PCDHA3: variants seen among roughly 807,000 people sequenced by gnomAD.
PCDHA3 encodes protocadherin alpha 3, also known as protocadherin alpha-3.
PCDHA3 carries 41 observed loss-of-function variants against 62.2 expected under a neutral mutation model. The ratio of observed to expected loss-of-function variants is 0.66; its 90% CI spans 0.51 to 0.86. The LOEUF is 0.86. Among genes scored for constraint, PCDHA3 ranks in the 40% least tolerant of loss-of-function variants. The pLI is 0.00. For synonymous variants in PCDHA3, 640 were observed against 555.4 expected (o/e 1.15, Z -2.14); for missense variants, 1,304 against 1,241.2 (o/e 1.05, Z -0.76).
At chr5:140,881,235 T>C (rs2058632833) in intron 1 of PCDHA3, 1 of 352,648 alleles carries the variant, frequency 2.8e-6, no homozygotes, top group South Asian at 1.1e-4. Context: ...TTAAAGTCAA[T>C]TTAAATGACG....
chr5:140,856,970 G>T (rs2044296852), intron 1 of PCDHA3: 1 of 1,592,058 alleles, frequency 6.3e-7, no homozygotes, highest in Non-Finnish European at 8.6e-7. Flanking sequence ...TGATGCTATT[G>T]ACTTTGAGGA....
Position 140,828,566 on chromosome 5 carries a change from G to C in PCDHA3, c.2394+24975G>C, listed in dbSNP as rs148766603. The C allele has an allele frequency of 2.0e-5, 32 of 1,614,216 alleles. No homozygotes were observed. The African/African-American group carries it at 3.6e-4, about 18-fold the overall frequency. ...TGTGTTTCCACTGGAGGGCGCGTCC[G>C]ATGCAGATGTTGGCTCAAATTCCAT... is the stretch of plus-strand genomic sequence containing the variant. On this transcript the variant is annotated intron_variant, in intron 1 of 3. Transcript: ENST00000522353.
chr5:140,870,358 G>C lies in PCDHA3; in HGVS notation c.2394+66767G>C, dbSNP rs201159213. The C allele has an allele frequency of 1.2e-5, 20 of 1,614,216 alleles. No homozygotes were observed. The Admixed American group carries it at 3.3e-4, about 27-fold the overall frequency. ...CGCCCTGGACCGCGAGAACGTGTGG[G>C]CCTATGAACTGGTGGTGACTGCGCG... On this transcript the variant is annotated intron_variant, in intron 1 of 3. Transcript: ENST00000522353.
intron 1 of PCDHA3, among the ~76,000 whole-genome samples, chr5:140,855,480 A>T (rs567213059): frequency 4.7e-5 from 7 of 150,092 alleles, no homozygotes; most frequent in Middle Eastern, 6.8e-3. Context: ...GATGCTTGAC[A>T]TTAGTGTCTA....
intron 1 of PCDHA3, among the ~76,000 whole-genome samples, chr5:140,936,591 G>T (rs1188475668): frequency 6.6e-6 from 1 of 152,180 alleles, no homozygotes; most frequent in Non-Finnish European, 1.5e-5. Context: ...CAGTTAGATT[G>T]CCTACTTTCC....
intron 1 of PCDHA3, among the ~76,000 whole-genome samples, chr5:140,921,577 A>G (rs1248608945): frequency 6.6e-6 from 1 of 152,242 alleles, no homozygotes; most frequent in African/African-American, 2.4e-5. Context: ...AGTAGAGCTC[A>G]TACTATATTA....
chr5:140,927,495 G>C (rs111935715), intron 1 of PCDHA3: 2 of 1,614,128 alleles, frequency 1.2e-6, no homozygotes, highest in African/African-American at 1.3e-5. Context: ...CCCACCTGCT[G>C]GTGCTTACAG....
intron 1 of PCDHA3, chr5:140,875,208 C>T (rs1297860404): frequency 3.0e-6 from 2 of 668,426 alleles, no homozygotes; most frequent in Non-Finnish European, 2.2e-6. Context: ...GTGGCTAAAC[C>T]GAAAAGAACC....
intron 1 of PCDHA3, chr5:140,835,180 C>A: frequency 6.6e-7 from 1 of 1,515,706 alleles, no homozygotes; most frequent in Non-Finnish European, 8.9e-7. Context: ...CACCCCAATG[C>A]CTCAGATTTA....
intron 1 of PCDHA3, among the ~76,000 whole-genome samples, chr5:140,963,536 T>G (rs2095772178): frequency 6.6e-6 from 1 of 152,230 alleles, no homozygotes; most frequent in African/African-American, 2.4e-5. Flanking sequence ...TCCCATTTAC[T>G]TCATGATATA....
intron 1 of PCDHA3, chr5:140,842,828 T>C (rs2150345538): frequency 1.9e-6 from 3 of 1,593,634 alleles, no homozygotes; most frequent in South Asian, 1.1e-5. Context: ...GGGCGAGCGC[T>C]CGCTGTCGAG....
intron 1 of PCDHA3, chr5:140,825,789 T>C (rs2150076169): frequency 6.6e-6 from 1 of 152,576 alleles, no homozygotes; most frequent in East Asian, 1.9e-4. Flanking sequence ...TATATTTTGG[T>C]TGGGAAATTT....
intron 3 of PCDHA3, among the ~76,000 whole-genome samples, chr5:140,994,044 G>C (rs782758789): frequency 9.9e-5 from 15 of 152,240 alleles, no homozygotes; most frequent in Middle Eastern, 3.4e-3. Flanking sequence ...ATATAACACA[G>C]TCCTGCCCTT....
At chr5:140,857,939 A>C in intron 1 of PCDHA3, 1 of 1,597,618 alleles carries the variant, frequency 6.3e-7, no homozygotes, top group Middle Eastern at 1.7e-4. Flanking sequence ...GGGCGAGATC[A>C]GTACGACGCG....
At chr5:141,009,262 C>T (rs2098403740) in intron 3 of PCDHA3, among the ~76,000 whole-genome samples, 2 of 152,112 alleles carry the variant, frequency 1.3e-5, no homozygotes, top group Non-Finnish European at 2.9e-5. Flanking sequence ...TGAGACCAGC[C>T]TGGGCAACAT....
intron 1 of PCDHA3, among the ~76,000 whole-genome samples, chr5:140,838,563 G>C (rs1007641143): frequency 1.3e-5 from 2 of 151,752 alleles, no homozygotes; most frequent in African/African-American, 4.9e-5. Flanking sequence ...ATCCAGTACT[G>C]TATTAGGGAC....
chr5:140,843,603 G>C lies in PCDHA3; in HGVS notation c.2394+40012G>C, dbSNP rs2150363259. ...CAACAGCCGCAGAGGGTGTGCTCTG[G>C]TGAGGGGCCACCGAAGACGGACCTC... On this transcript the variant is annotated intron_variant, in intron 1 of 3. Coordinates refer to ENST00000522353, the MANE Select transcript of PCDHA3 (RefSeq NM_018906.3). 45 of 1,596,084 alleles carry C rather than the reference G, an allele frequency of 2.8e-5. 3 individuals carry two copies. The East Asian group carries it at 3.1e-4, about 11-fold the overall frequency.
chr5:140,881,012 G>C (rs1445864276), intron 1 of PCDHA3, among the ~76,000 whole-genome samples: 2 of 152,202 alleles, frequency 1.3e-5, no homozygotes, highest in Admixed American at 1.3e-4. Flanking sequence ...CAGAGCTATG[G>C]AAATAAACCC....
intron 1 of PCDHA3, among the ~76,000 whole-genome samples, chr5:140,921,646 G>T (rs957810883): frequency 6.6e-6 from 1 of 152,124 alleles, no homozygotes; most frequent in Admixed American, 6.5e-5. Context: ...GCTATTTTAA[G>T]GGAACTTAAT....
Sources: gnomAD v4.1 joint callset for allele counts (sites outside exome capture counted in the v4.1 genomes callset) on GRCh38, gnomAD v4.1.1 for gene constraint, MANE v1.5 for transcripts, NCBI Gene and HGNC (gene_info 2026-07-23, HGNC 2026-07-21) for gene names.